Variants in ASIC2 observed in about 807,000 individuals in gnomAD.
ASIC2 encodes the protein acid-sensing ion channel 2.
A neutral mutation model predicts 57.3 loss-of-function variants in ASIC2; 25 were observed. The observed-to-expected ratio is 0.44, with a 90% CI of 0.32 to 0.61. The LOEUF (loss-of-function observed/expected upper bound fraction) is 0.61. ASIC2 is among the 20% of genes least tolerant of loss of function. The pLI is 0.06. For missense variants in ASIC2, 641 were observed against 738.1 expected (o/e 0.87, Z 1.52); for synonymous variants, 319 against 307.5 (o/e 1.04, Z -0.39).
At chr17:33,240,005 C>T (rs1171205042) in intron 1 of ASIC2, among the ~76,000 whole-genome samples, 1 of 152,190 alleles carries the variant, frequency 6.6e-6, no homozygotes, top group East Asian at 1.9e-4. Context: ...GTCAATCCTA[C>T]TAGACTGTAG....
chr17:33,967,269 A>T (rs317340), intron 1 of ASIC2, among the ~76,000 whole-genome samples: 152,147 of 152,208 alleles, frequency 1, 76,043 homozygotes, highest in Non-Finnish European at 1. Context: ...AGGGTCTTGC[A>T]CTGTGGTCTA....
At chr17:33,879,750 C>T (rs143759048) in intron 1 of ASIC2, among the ~76,000 whole-genome samples, 73 of 152,286 alleles carry the variant, frequency 4.8e-4, no homozygotes, top group African/African-American at 1.6e-3. Context: ...CCGCACCAAG[C>T]GGACCTTGTA....
chr17:33,419,706 C>T (rs1157760922), intron 1 of ASIC2, among the ~76,000 whole-genome samples: 2 of 152,150 alleles, frequency 1.3e-5, no homozygotes, highest in African/African-American at 2.4e-5. Context: ...GTAATTGTAG[C>T]ATTTTTGGTA....
At chr17:34,068,010 TAAC>T (rs1271327091) in intron 1 of ASIC2, among the ~76,000 whole-genome samples, 4 of 152,228 alleles carry the variant, frequency 2.6e-5, no homozygotes, top group Non-Finnish European at 5.9e-5. Context: ...TTAATTTCTT[TAAC>T]AATCTACATT....
chr17:33,879,074 A>G (rs934269982), intron 1 of ASIC2, among the ~76,000 whole-genome samples: 3 of 152,166 alleles, frequency 2.0e-5, no homozygotes, highest in Non-Finnish European at 4.4e-5. Context: ...TTTTGTCACC[A>G]CCAGGCCTGC....
At chr17:33,035,119 A>G (rs1311728274) in intron 3 of ASIC2, among the ~76,000 whole-genome samples, 3 of 152,172 alleles carry the variant, frequency 2.0e-5, no homozygotes, top group Non-Finnish European at 2.9e-5. Flanking sequence ...ATTCCATGCA[A>G]CAATTTGTAA....
intron 1 of ASIC2, among the ~76,000 whole-genome samples, chr17:33,615,613 A>AT (rs1179621062): frequency 1.3e-5 from 2 of 152,060 alleles, no homozygotes; most frequent in African/African-American, 4.8e-5. Flanking sequence ...TTTAGTTTTA[A>AT]TTTTAACTTC....
chr17:33,817,780 C>T (rs12452873), intron 1 of ASIC2, among the ~76,000 whole-genome samples: 9 of 152,152 alleles, frequency 5.9e-5, no homozygotes, highest in Admixed American at 2.6e-4. Context: ...GGGCAGGGCT[C>T]AGCAGGGACA....
rs1477990276 is a variant in ASIC2, at chr17:33,291,901, A to G, written c.215T>C (p.Met72Thr). Residue 72 changes from methionine (M) to threonine (T), a missense_variant, in exon 1 of 10, where the codon ATG becomes ACG. By Grantham distance (81) the Met-to-Thr change is moderately conservative (BLOSUM62 -1). Coordinates refer to ENST00000225823, the MANE Select transcript of ASIC2 (RefSeq NM_183377.2). ...SRAKLHGLRH[M>T]CAGRTAAGGS... Reference sequence around the variant, plus strand: ...CCCAGCCGCCGTGCGCCCGGCACACATGTGCCGCAGCCCGTGCAGTTTAGC... The same window carrying G: ...CCCAGCCGCCGTGCGCCCGGCACACGTGTGCCGCAGCCCGTGCAGTTTAGC... 4.4e-6 allele frequency: 7 copies of G among 1,599,008 alleles called. No homozygotes were observed. The Admixed American group carries it at 1.0e-4, about 23-fold the overall frequency.
intron 1 of ASIC2, among the ~76,000 whole-genome samples, chr17:33,428,163 G>A (rs1248125739): frequency 2.0e-5 from 3 of 152,194 alleles, no homozygotes; most frequent in African/African-American, 7.2e-5. Context: ...GAGATGGTGA[G>A]ACAACACATA....
intron 1 of ASIC2, among the ~76,000 whole-genome samples, chr17:33,979,119 G>C (rs559078595): frequency 6.6e-6 from 1 of 152,282 alleles, no homozygotes; most frequent in Admixed American, 6.5e-5. Flanking sequence ...GACCAGGAGA[G>C]AGGAGGGTGG....
intron 1 of ASIC2, among the ~76,000 whole-genome samples, chr17:33,817,155 C>T (rs145094603): frequency 2.0e-5 from 3 of 152,168 alleles, no homozygotes; most frequent in African/African-American, 4.8e-5. Flanking sequence ...CCGGATTCTT[C>T]GACGTTCTCT....
intron 1 of ASIC2, among the ~76,000 whole-genome samples, chr17:33,956,683 C>G (rs1433867628): frequency 6.6e-6 from 1 of 152,220 alleles, no homozygotes; most frequent in Non-Finnish European, 1.5e-5. Context: ...TCCTAACAGT[C>G]AGCACACTTG....
chr17:33,573,543 C>A (rs1407164118), intron 1 of ASIC2, among the ~76,000 whole-genome samples: 1 of 152,050 alleles, frequency 6.6e-6, no homozygotes, highest in Non-Finnish European at 1.5e-5. Flanking sequence ...GTTTTGTTTG[C>A]CTGCTTTAAA....
chr17:33,835,471 A>G (rs551977386), intron 1 of ASIC2, among the ~76,000 whole-genome samples: 2 of 152,122 alleles, frequency 1.3e-5, no homozygotes, highest in African/African-American at 4.8e-5. Flanking sequence ...CTTAATTATT[A>G]TTTACTCCCT....
At chr17:33,981,699 G>C (rs1308253251) in intron 1 of ASIC2, among the ~76,000 whole-genome samples, 4 of 149,994 alleles carry the variant, frequency 2.7e-5, no homozygotes, top group African/African-American at 4.9e-5. Context: ...AAGAAGGGAG[G>C]GGGGGAAGAT....
intron 1 of ASIC2, among the ~76,000 whole-genome samples, chr17:34,054,069 G>A (rs1908671109): frequency 6.6e-6 from 1 of 152,238 alleles, no homozygotes; most frequent in Non-Finnish European, 1.5e-5. Context: ...ACCTGCACAA[G>A]AGATGAAAGA....
chr17:33,173,371 C>T (rs1905605315), intron 1 of ASIC2, among the ~76,000 whole-genome samples: 1 of 152,174 alleles, frequency 6.6e-6, no homozygotes, highest in South Asian at 2.1e-4. Flanking sequence ...ACCACAGACC[C>T]CAGGTACCTC....
At chr17:33,313,193 G>C (rs938516310) in intron 1 of ASIC2, among the ~76,000 whole-genome samples, 7 of 152,018 alleles carry the variant, frequency 4.6e-5, no homozygotes, top group African/African-American at 1.7e-4. Context: ...AGGCATAGTG[G>C]TGTGTATCTG....
Sources: gnomAD v4.1 joint callset for allele counts (sites outside exome capture counted in the v4.1 genomes callset) on GRCh38, gnomAD v4.1.1 for gene constraint, MANE v1.5 for transcripts, NCBI Gene and HGNC (gene_info 2026-07-23, HGNC 2026-07-21) for gene names.